The following LINGO2 variants were observed in gnomAD, a reference collection of about 807,000 sequenced individuals.
LINGO2 encodes the protein leucine rich repeat and Ig domain containing 2.
In LINGO2, 14 loss-of-function variants were observed where a neutral mutation model predicts 30.6. That is an observed-to-expected ratio of 0.46 (90% CI 0.30 to 0.72). The LOEUF is 0.72. Among genes scored for constraint, LINGO2 ranks in the 30% least tolerant of loss-of-function variants. The probability of loss-of-function intolerance (pLI) is 0.07; values close to 1 mark genes in which losing one functional copy is unlikely to be tolerated. For synonymous variants in LINGO2, 317 were observed against 288.5 expected, an observed-to-expected ratio of 1.10 and a Z score of -1.00; for missense variants, 729 against 751.7, an observed-to-expected ratio of 0.97 and a Z score of 0.35.
the LINGO2 span, among the ~76,000 whole-genome samples, chr9:28,801,887 A>C: frequency 6.6e-6 from 1 of 152,056 alleles, no homozygotes; most frequent in African/African-American, 2.4e-5. Flanking sequence ...ACAATGAAAT[A>C]TTATATTTTT....
intron 1 of LINGO2, among the ~76,000 whole-genome samples, chr9:28,553,885 A>G (rs953222625): frequency 3.9e-5 from 6 of 152,240 alleles, no homozygotes; most frequent in African/African-American, 1.2e-4. Flanking sequence ...AGAATTTCAT[A>G]TCCAGCCAAA....
chr9:27,949,946 A>G (rs2118308066), exon 6 of LINGO2: 1 of 1,614,146 alleles, frequency 6.2e-7, no homozygotes, highest in South Asian at 1.1e-5. Context: ...GGCTATTGGC[A>G]GGCATCATAT....
chr9:28,504,433 A>G (rs1820018864), intron 1 of LINGO2, among the ~76,000 whole-genome samples: 1 of 151,832 alleles, frequency 6.6e-6, no homozygotes, highest in Non-Finnish European at 1.5e-5. Context: ...CGATTTCAAA[A>G]AATGTGTAGA....
In LINGO2 at chr9:28,172,016, C is replaced by CAAAAAAAA. The variant is rs1197927884; in HGVS notation, c.-87+123184_-87+123191dup. ...CTGGTGACAGAGCAAGACTCCGTCT[C>CAAAAAAAA]AAAAAAAAAAAAAAAAACAAAAAAA... On this transcript the variant is annotated intron_variant, in intron 4 of 5. Coordinates refer to ENST00000379992, the Ensembl canonical transcript of LINGO2. Among the ~76,000 whole-genome samples, 42 of 44,034 alleles carry CAAAAAAAA rather than the reference C, an allele frequency of 9.5e-4. 2 individuals are homozygous for CAAAAAAAA. The highest frequency in any genetic ancestry group is 4.4e-3 in the South Asian group (3 of 682). 28.9% of individuals were successfully genotyped at this position (44,034 alleles called of 152,430 possible).
the LINGO2 span, among the ~76,000 whole-genome samples, chr9:28,683,146 T>C: frequency 1.4e-4 from 21 of 152,310 alleles, no homozygotes; most frequent in African/African-American, 4.8e-4. Context: ...CCCAAATCTT[T>C]GCCCAGTACT....
the LINGO2 span, among the ~76,000 whole-genome samples, chr9:28,857,119 G>T: frequency 6.6e-6 from 1 of 152,124 alleles, no homozygotes; most frequent in African/African-American, 2.4e-5. Context: ...AAGTAGATCT[G>T]TCAGGGATTA....
the LINGO2 span, among the ~76,000 whole-genome samples, chr9:29,123,548 T>G: frequency 0.24 from 36,431 of 151,654 alleles, 4,517 homozygotes; most frequent in East Asian, 0.41. Flanking sequence ...AAAAAAATCC[T>G]AGATAGTGAA....
At chr9:29,050,387 C>A in the LINGO2 span, among the ~76,000 whole-genome samples, 7 of 152,212 alleles carry the variant, frequency 4.6e-5, no homozygotes, top group East Asian at 1.3e-3. Flanking sequence ...TAAATATACA[C>A]GTCTGCTATG....
At chr9:28,487,876 G>A (rs1356187201) in intron 1 of LINGO2, among the ~76,000 whole-genome samples, 1 of 152,116 alleles carries the variant, frequency 6.6e-6, no homozygotes, top group Non-Finnish European at 1.5e-5. Context: ...GTCAACACAG[G>A]TTAGGTGTTT....
the LINGO2 span, among the ~76,000 whole-genome samples, chr9:28,817,600 T>C: frequency 1.3e-5 from 2 of 152,180 alleles, no homozygotes; most frequent in Non-Finnish European, 2.9e-5. Flanking sequence ...TCTTCTCAAA[T>C]ACAGCTTGAA....
At chr9:28,752,156 G>A in the LINGO2 span, among the ~76,000 whole-genome samples, 17 of 151,908 alleles carry the variant, frequency 1.1e-4, 1 homozygote, top group South Asian at 6.3e-4. Flanking sequence ...ATTGAGACTC[G>A]GGTTTGAACA....
chr9:28,371,071 G>A (rs1820876753), intron 3 of LINGO2, among the ~76,000 whole-genome samples: 1 of 152,164 alleles, frequency 6.6e-6, no homozygotes, highest in Non-Finnish European at 1.5e-5. Context: ...TTCACAGGCA[G>A]GTTCAAATTT....
chr9:28,964,208 A>C, the LINGO2 span, among the ~76,000 whole-genome samples: 79,745 of 151,520 alleles, frequency 0.53, 21,886 homozygotes, highest in Non-Finnish European at 0.61. Context: ...CCAGTTCAGA[A>C]GTTATATGAA....
the LINGO2 span, among the ~76,000 whole-genome samples, chr9:29,102,947 C>T: frequency 5.3e-5 from 8 of 152,064 alleles, no homozygotes; most frequent in East Asian, 7.8e-4. Flanking sequence ...CTATACATCT[C>T]TTTGATTTAA....
intron 1 of LINGO2, among the ~76,000 whole-genome samples, chr9:28,615,168 T>C (rs1026489538): frequency 5.9e-5 from 9 of 152,110 alleles, no homozygotes; most frequent in Admixed American, 4.6e-4. Context: ...ATGTGTATGT[T>C]GAGAAGGAAT....
chr9:29,024,145 G>T, the LINGO2 span, among the ~76,000 whole-genome samples: 1 of 152,136 alleles, frequency 6.6e-6, no homozygotes, highest in African/African-American at 2.4e-5. Context: ...CATTGTGTTA[G>T]AATTTTCTGG....
intron 2 of LINGO2, among the ~76,000 whole-genome samples, chr9:28,410,181 G>A (rs1822706249): frequency 6.6e-6 from 1 of 151,578 alleles, no homozygotes; most frequent in Non-Finnish European, 1.5e-5. Context: ...AAGAGGAAAG[G>A]AAAGGGAAAG....
At chr9:29,047,256 A>G in the LINGO2 span, among the ~76,000 whole-genome samples, 1 of 152,108 alleles carries the variant, frequency 6.6e-6, no homozygotes, top group Non-Finnish European at 1.5e-5. Context: ...GTGAACAGAC[A>G]CTTCTCAAAA....
the LINGO2 span, among the ~76,000 whole-genome samples, chr9:29,085,058 C>T: frequency 5.3e-5 from 8 of 151,758 alleles, no homozygotes; most frequent in Non-Finnish European, 1.0e-4. Flanking sequence ...AACACAGGTA[C>T]TCCCTTTTCC....
Sources: allele counts gnomAD v4.1 joint callset (sites outside exome capture counted in the v4.1 genomes callset), GRCh38; gene constraint gnomAD v4.1.1; transcripts MANE v1.5; gene names NCBI Gene and HGNC (gene_info 2026-07-23, HGNC 2026-07-21).